Variants in MAP3K4 observed in about 807,000 individuals in gnomAD.
The protein encoded by MAP3K4 is MAP three kinase 1.
In MAP3K4, 67 loss-of-function variants were observed where a neutral mutation model predicts 185.6. That is an observed-to-expected ratio of 0.36 (90% CI 0.30 to 0.44). The LOEUF is 0.44. MAP3K4 is among the 20% of genes least tolerant of loss of function. The probability of loss-of-function intolerance (pLI) is 1.00; values close to 1 mark genes in which losing one functional copy is unlikely to be tolerated. For synonymous variants in MAP3K4, 702 were observed against 710.4 expected (o/e 0.99, Z 0.19); for missense variants, 1,551 against 1,995.1 (o/e 0.78, Z 4.24).
Position 161,091,619 on chromosome 6 carries a change from C to A in MAP3K4, c.3135+79C>A. Reference sequence around the variant, plus strand: ...TACAGAAAGTTTTTGGAACCTTTTACAGTAAATCTGATATTGTAATCATAG... The same window carrying A: ...TACAGAAAGTTTTTGGAACCTTTTAAAGTAAATCTGATATTGTAATCATAG... On this transcript the variant is annotated intron_variant, in intron 12 of 26. Transcript: ENST00000392142. The surrounding 1 kb of genome is among the most constrained non-coding windows in gnomAD (Gnocchi z 5.5). 8.1e-7 allele frequency: 1 copy of A among 1,231,820 alleles called. No homozygotes were observed. Among genetic ancestry groups the A allele is most frequent in the South Asian group, 1.4e-5 (1 of 71,262 alleles). 76.3% of individuals were successfully genotyped at this position (1,231,820 alleles called of 1,614,324 possible). A position where few individuals can be genotyped will look rare whatever the true frequency, so the allele number is the denominator to read the frequency against.
rs1784470020 is a variant in MAP3K4, at chr6:161,061,112, T to G, written c.1708-9496T>G. On this transcript the variant is annotated intron_variant, in intron 3 of 26. Transcript: ENST00000392142. This position sits in a 1 kb window ranked among gnomAD's most constrained non-coding sequence, Gnocchi z 4.2. ...ACATGTCCTTTCTGATAGTTCTGATTCAAATTCAGGATTTGAGAATTTTGC... is the reference window on the plus strand; with the variant it reads ...ACATGTCCTTTCTGATAGTTCTGATGCAAATTCAGGATTTGAGAATTTTGC... 6.6e-6 allele frequency among the ~76,000 whole-genome samples: 1 copy of G among 152,336 alleles called. No individual in the cohort carries two copies.
intron 3 of MAP3K4, among the ~76,000 whole-genome samples, chr6:161,058,671 T>C (rs1212287019): frequency 6.6e-6 from 1 of 152,188 alleles, no homozygotes; most frequent in Non-Finnish European, 1.5e-5. Flanking sequence ...TGTAATTTTT[T>C]ACAACAAATG....
rs1784486904 is a variant in MAP3K4 at position 161,061,565 on chromosome 6, A to C, written c.1708-9043A>C. Among the ~76,000 whole-genome samples, 1 of 152,210 alleles carries C rather than the reference A, an allele frequency of 6.6e-6. No individual in the cohort carries two copies. The highest frequency in any genetic ancestry group is 2.4e-5 in the African/African-American group (1 of 41,464). The stretch of plus-strand genomic sequence containing the variant: ...ACCATCCTCACTGTGTAACTTTGGA[A>C]CATTTTCATTGCCCCTAAAAGAAGT... On this transcript the variant is annotated intron_variant, in intron 3 of 26. Transcript: ENST00000392142. This position sits in a 1 kb window ranked among gnomAD's most constrained non-coding sequence, Gnocchi z 4.2.
intron 6 of MAP3K4, among the ~76,000 whole-genome samples, chr6:161,083,589 C>G (rs1785558580): frequency 6.6e-6 from 1 of 152,162 alleles, no homozygotes; most frequent in Non-Finnish European, 1.5e-5. Context: ...GCCTAAATAC[C>G]CACTACTCTT....
intron 1 of MAP3K4, among the ~76,000 whole-genome samples, chr6:161,001,231 A>G (rs894580027): frequency 6.6e-6 from 1 of 151,016 alleles, no homozygotes; most frequent in Non-Finnish European, 1.5e-5. Flanking sequence ...TATTTACAAA[A>G]ATATTTTTAT....
rs1386132199 is a variant in MAP3K4 at position 161,112,166 on chromosome 6, GGA to G, written c.4519+214_4519+215del. ...ATTAAATGACTCCTTTTAGGTTACA[GGA>G]GAGAGGAAAGCCTCTTTTTCTCACC... On this transcript the variant is annotated intron_variant, in intron 24 of 26. Transcript: ENST00000392142. This position sits in a 1 kb window ranked among gnomAD's most constrained non-coding sequence, Gnocchi z 5.1. Among the ~76,000 whole-genome samples the G allele has an allele frequency of 6.6e-6, 1 of 151,328 alleles. No individual in the cohort carries two copies. The highest frequency in any genetic ancestry group is 1.5e-5 in the Non-Finnish European group (1 of 67,938).
In MAP3K4 at chr6:161,093,706, C is replaced by T; in HGVS notation, c.3349-67C>T. 1 of 887,208 alleles carries T rather than the reference C, an allele frequency of 1.1e-6. No homozygotes were observed. The highest frequency in any genetic ancestry group is 1.8e-6 in the Non-Finnish European group (1 of 546,110). The allele number at this position is 887,208 out of a possible 1,614,324, so 55.0% of individuals were successfully genotyped here. A position where few individuals can be genotyped will look rare whatever the true frequency, so the allele number is the denominator to read the frequency against. The stretch of plus-strand genomic sequence containing the variant: ...AAAATATACTGAAAATTAATTTGTG[C>T]TACTTACATAATTAAGAAAGTATGC... On this transcript the variant is annotated intron_variant, in intron 14 of 26. Transcript: ENST00000392142. This position sits in a 1 kb window ranked among gnomAD's most constrained non-coding sequence, Gnocchi z 5.2.
intron 1 of MAP3K4, among the ~76,000 whole-genome samples, chr6:160,993,159 T>C (rs1197440481): frequency 6.6e-6 from 1 of 152,244 alleles, no homozygotes; most frequent in African/African-American, 2.4e-5. Context: ...TTTATTTTTA[T>C]AAGCTGTGAA....
At position 161,081,024 on chromosome 6, in the gene MAP3K4, C is replaced by T. The variant is rs138672893; in HGVS notation, c.2241C>T (p.Ala747=). ...THYIRGGEAQ[A]GKLFCDIAGM... ...ACATACGGGGAGGAGAAGCACAGGC[C>T]GGGAAGCTTTTCTGGTAGGAATCCT... is the stretch of plus-strand genomic sequence containing the variant. The change falls in exon 6 of 27, where the codon GCC becomes GCT. Residue 747 remains alanine (A), a synonymous_variant. Coordinates refer to ENST00000392142, the MANE Select transcript of MAP3K4 (RefSeq NM_005922.4). 26 of 1,613,884 alleles carry T rather than the reference C, an allele frequency of 1.6e-5. No individual in the cohort carries two copies. Among genetic ancestry groups the T allele is most frequent in the Admixed American group, 5.0e-5 (3 of 59,992 alleles).
In MAP3K4 at chr6:161,106,683, A is replaced by G. The variant is rs1409672968; in HGVS notation, c.4026A>G (p.Lys1342=). 1.2e-6 allele frequency: 2 copies of G among 1,611,356 alleles called. No individual in the cohort carries two copies. Residue 1342 remains lysine, a synonymous_variant, in exon 20 of 27, where the codon AAA becomes AAG. Transcript: ENST00000392142. This position sits in a 1 kb window ranked among gnomAD's most constrained non-coding sequence, Gnocchi z 4.9. ...MHVGLRKVTF[K]WQRGNKIGEG... is the part of the protein sequence containing the mutation. The stretch of plus-strand genomic sequence containing the variant: ...TTGGCTTGAGGAAGGTGACCTTCAA[A>G]TGGCAAAGAGGAAACAAAATTGGTA...
In MAP3K4 at chr6:161,110,193, C is replaced by G. The variant is rs575301915; in HGVS notation, c.4396+279C>G. Among the ~76,000 whole-genome samples, 9 of 152,140 alleles carry G rather than the reference C, an allele frequency of 5.9e-5. No individual in the cohort carries two copies. The highest frequency in any genetic ancestry group is 1.3e-4 in the Non-Finnish European group (9 of 68,040). On this transcript the variant is annotated intron_variant, in intron 23 of 26. Transcript: ENST00000392142. The surrounding 1 kb of genome is among the most constrained non-coding windows in gnomAD (Gnocchi z 4.8). ...TTTTATAAGCTGATTTGGCATAGCC[C>G]GTGTACTTACCAGACATTCGTGATC...
intron 1 of MAP3K4, among the ~76,000 whole-genome samples, chr6:160,995,930 A>G (rs923017374): frequency 1.3e-5 from 2 of 152,262 alleles, no homozygotes; most frequent in Non-Finnish European, 2.9e-5. Context: ...TTATGAGTAC[A>G]TGCTGCATAA....
At chr6:161,000,810 T>TATACACACATGTGTATGCACAC (rs1781239557) in intron 1 of MAP3K4, among the ~76,000 whole-genome samples, 1 of 142,172 alleles carries the variant, frequency 7.0e-6, no homozygotes, top group African/African-American at 2.9e-5. Flanking sequence ...TACACCCATA[T>TATACACACATGTGTATGCACAC]ATACACACAT....
chr6:161,034,828 G>C lies in MAP3K4; in HGVS notation c.343+379G>C, dbSNP rs887240582. 6.6e-6 allele frequency among the ~76,000 whole-genome samples: 1 copy of C among 152,114 alleles called. No individual in the cohort carries two copies. The highest frequency in any genetic ancestry group is 2.4e-5 in the African/African-American group (1 of 41,430). Reference sequence around the variant, plus strand: ...CCCAGAAGTGGTGTATTGGGGATTTGAGGAGAGACAGAGCCAGGCTGTCTT... The same window carrying C: ...CCCAGAAGTGGTGTATTGGGGATTTCAGGAGAGACAGAGCCAGGCTGTCTT... On this transcript the variant is annotated intron_variant, in intron 2 of 26. Coordinates refer to ENST00000392142, the MANE Select transcript of MAP3K4 (RefSeq NM_005922.4). The surrounding 1 kb of genome is among the most constrained non-coding windows in gnomAD (Gnocchi z 4.4).
At position 161,053,208 on chromosome 6, in the gene MAP3K4, A is replaced by T. The variant is rs964646617; in HGVS notation, c.1707+3229A>T. Among the ~76,000 whole-genome samples the T allele has an allele frequency of 6.6e-6, 1 of 152,168 alleles. No individual in the cohort carries two copies. Among genetic ancestry groups the T allele is most frequent in the African/African-American group, 2.4e-5 (1 of 41,442 alleles). ...AGCAGGCACTTCTCATGGCTGGAGC[A>T]CGGGCAGGGTGAAGGTGCTCCATTC... On this transcript the variant is annotated intron_variant, in intron 3 of 26. Coordinates refer to ENST00000392142, the MANE Select transcript of MAP3K4 (RefSeq NM_005922.4). The surrounding 1 kb of genome is among the most constrained non-coding windows in gnomAD (Gnocchi z 4.2).
rs1394725142 is a variant in MAP3K4 at position 161,071,292 on chromosome 6, CGTT to C, written c.1950+449_1950+451del. ...CAGTAGTGACAGCTTATGATTTCTT[CGTT>C]GTTGTTCATTCTGGGTGGGATCTTA... On this transcript the variant is annotated intron_variant, in intron 4 of 26. Coordinates refer to ENST00000392142, the MANE Select transcript of MAP3K4 (RefSeq NM_005922.4). The surrounding 1 kb of genome is among the most constrained non-coding windows in gnomAD (Gnocchi z 4.6). Among the ~76,000 whole-genome samples the C allele has an allele frequency of 2.0e-5, 3 of 152,024 alleles. No individual in the cohort carries two copies. Among genetic ancestry groups the C allele is most frequent in the Admixed American group, 6.6e-5 (1 of 15,262 alleles).
chr6:161,085,359 A>G (rs1583212986), intron 7 of MAP3K4, among the ~76,000 whole-genome samples: 1 of 152,162 alleles, frequency 6.6e-6, no homozygotes, highest in Admixed American at 6.5e-5. Context: ...GTATGAAACT[A>G]TGGTTTTTCT....
intron 6 of MAP3K4, among the ~76,000 whole-genome samples, chr6:161,081,738 A>G (rs12110629): frequency 0.033 from 5,002 of 152,292 alleles, 273 homozygotes; most frequent in African/African-American, 0.11. Flanking sequence ...GCTGGTGGCC[A>G]CTGCACCTCG....
chr6:161,057,425 G>A (rs1583176062), intron 3 of MAP3K4, among the ~76,000 whole-genome samples: 1 of 152,198 alleles, frequency 6.6e-6, no homozygotes, highest in East Asian at 1.9e-4. Flanking sequence ...TAGATTGTTA[G>A]AGGGATTCAA....
Sources: allele counts gnomAD v4.1 joint callset (sites outside exome capture counted in the v4.1 genomes callset), GRCh38; gene constraint gnomAD v4.1.1; non-coding constraint Gnocchi (gnomAD v3.1); transcripts MANE v1.5; gene names NCBI Gene and HGNC (gene_info 2026-07-23, HGNC 2026-07-21).